PRAG1: variants seen among roughly 807,000 people sequenced by gnomAD.
PRAG1 encodes the protein PEAK1 related, kinase-activating pseudokinase 1.
In PRAG1, 110 loss-of-function variants were observed where a neutral mutation model predicts 95.6. The observed-to-expected ratio is 1.15, with a 90% CI of 0.99 to 1.35. PRAG1 has a LOEUF of 1.35. Among genes scored for constraint, PRAG1 ranks in the 40% most tolerant of loss-of-function variants. The pLI is 0.00. For missense variants in PRAG1, 2,554 were observed against 1,864.7 expected (o/e 1.37, Z -6.81); for synonymous variants, 1,052 against 819.4 (o/e 1.28, Z -4.85).
At position 8,376,602 on chromosome 8, in the gene PRAG1, C is replaced by T. The variant is rs756413096; in HGVS notation, c.1807G>A (p.Gly603Ser). ...CTGGATGGGTCACTGATAGCGACAC[C>T]GTTGGTCCGGCAGGAAGGAGCGGGG... ...ADPAPSCRTN[G>S]VAISDPSRCP... Residue 603 changes from glycine (G) to serine (S), a missense_variant, in exon 3 of 6, where the codon GGT (glycine) becomes AGT (serine). By Grantham distance (56) the Gly-to-Ser change is moderately conservative. Coordinates refer to ENST00000615670, the MANE Select transcript of PRAG1 (RefSeq NM_001080826.3). 4.4e-6 allele frequency: 7 copies of T among 1,603,538 alleles called. No homozygotes were observed. Among genetic ancestry groups the T allele is most frequent in the Non-Finnish European group, 5.1e-6 (6 of 1,173,950 alleles).
In PRAG1 at chr8:8,376,773, G is replaced by C; in HGVS notation, c.1636C>G (p.Pro546Ala). 1 of 1,610,616 alleles carries C rather than the reference G, an allele frequency of 6.2e-7. No individual in the cohort carries two copies. Among genetic ancestry groups the C allele is most frequent in the Admixed American group, 1.7e-5 (1 of 60,016 alleles). Residue 546 changes from proline to alanine, a missense_variant, in exon 3 of 6, where the codon CCC becomes GCC. Physicochemically the swap from Pro to Ala is conservative, Grantham distance 27 (BLOSUM62 -1). Coordinates refer to ENST00000615670, the MANE Select transcript of PRAG1 (RefSeq NM_001080826.3). ...ACAGGGCTACTCTTGGACAACTTGG[G>C]GGGAATGGCGGGCCTCTCCTTGGGC... ...SKPKERPAIP[P>A]KLSKSSPVGS...
At chr8:8,340,592 C>T (rs574758577) in intron 3 of PRAG1, among the ~76,000 whole-genome samples, 169 of 152,346 alleles carry the variant, frequency 1.1e-3, no homozygotes, top group African/African-American at 3.9e-3. Context: ...ATATACAGTA[C>T]AGTACTGATT....
chr8:8,318,534 C>G lies in PRAG1; in HGVS notation c.3841G>C (p.Asp1281His). 1.9e-6 allele frequency: 3 copies of G among 1,613,330 alleles called. No individual in the cohort carries two copies. Among genetic ancestry groups the G allele is most frequent in the Non-Finnish European group, 2.5e-6 (3 of 1,179,900 alleles). The change falls in exon 6 of 6, where the codon GAC (aspartate) becomes CAC (histidine). Residue 1281 changes from aspartate (D) to histidine (H), a missense_variant. Physicochemically the swap from Asp to His is moderately conservative, Grantham distance 81 (BLOSUM62 -1). Transcript: ENST00000615670. This position sits in a 1 kb window ranked among gnomAD's most constrained non-coding sequence, Gnocchi z 4.2. ...FEVRAQLRER[D>H]YRQEDLPPLP... ...GGCGGCAGGTCCTCCTGCCGGTAGT[C>G]TCTCTCCCGCAGCTGGGCGCGCACC...
At chr8:8,335,691 T>C (rs1451330022) in intron 4 of PRAG1, among the ~76,000 whole-genome samples, 1 of 152,212 alleles carries the variant, frequency 6.6e-6, no homozygotes, top group East Asian at 1.9e-4. Context: ...AATGTTTTTT[T>C]CCTTTGGAGC....
At chr8:8,325,620 C>CA (rs1196392496) in intron 5 of PRAG1, among the ~76,000 whole-genome samples, 5 of 152,136 alleles carry the variant, frequency 3.3e-5, no homozygotes, top group Admixed American at 6.5e-5. Flanking sequence ...TTGTGAAAAA[C>CA]AAAACTGTGG....
At chr8:8,346,742 G>A (rs1459164068) in intron 3 of PRAG1, among the ~76,000 whole-genome samples, 2 of 152,150 alleles carry the variant, frequency 1.3e-5, no homozygotes, top group East Asian at 1.9e-4. Context: ...CACTTTCCAT[G>A]GCTGTTAAAA....
At chr8:8,326,445 C>T (rs900784590) in intron 5 of PRAG1, among the ~76,000 whole-genome samples, 3 of 152,032 alleles carry the variant, frequency 2.0e-5, no homozygotes, top group African/African-American at 7.2e-5. Flanking sequence ...TCAGGGTCTC[C>T]CTCCTGACTC....
chr8:8,367,254 T>G (rs1044045242), intron 3 of PRAG1, among the ~76,000 whole-genome samples: 7 of 149,634 alleles, frequency 4.7e-5, no homozygotes, highest in Non-Finnish European at 7.4e-5. Context: ...AGGTCAGGAG[T>G]TCAAGACCAG....
At chr8:8,345,382 A>G (rs1799306529) in intron 3 of PRAG1, among the ~76,000 whole-genome samples, 1 of 150,888 alleles carries the variant, frequency 6.6e-6, no homozygotes, top group East Asian at 1.9e-4. Context: ...AAAAAAAAAA[A>G]GAAAGAAAGA....
intron 2 of PRAG1, among the ~76,000 whole-genome samples, chr8:8,380,752 C>T (rs1800605445): frequency 6.8e-6 from 1 of 147,732 alleles, no homozygotes; most frequent in Non-Finnish European, 1.5e-5. Flanking sequence ...ACTCAGGAGG[C>T]TGAGGCAGGA....
At chr8:8,324,425 C>A (rs552763498) in intron 5 of PRAG1, among the ~76,000 whole-genome samples, 23 of 152,320 alleles carry the variant, frequency 1.5e-4, no homozygotes, top group African/African-American at 5.1e-4. Context: ...TCCTCAAAGG[C>A]CAGCAACGGA....
intron 3 of PRAG1, among the ~76,000 whole-genome samples, chr8:8,373,084 C>T (rs1242583535): frequency 6.6e-6 from 1 of 152,194 alleles, no homozygotes; most frequent in East Asian, 1.9e-4. Flanking sequence ...AGACCTTTCA[C>T]GTTCTTCCAT....
intron 4 of PRAG1, among the ~76,000 whole-genome samples, 188 bp from the exon 5 acceptor site, chr8:8,328,649 G>A (rs1196180805): frequency 1.3e-5 from 2 of 152,200 alleles, no homozygotes; most frequent in African/African-American, 4.8e-5. Flanking sequence ...AAAAGGTATA[G>A]ATTGACAACT....
At chr8:8,340,197 T>A (rs1197645637) in intron 3 of PRAG1, among the ~76,000 whole-genome samples, 1 of 152,240 alleles carries the variant, frequency 6.6e-6, no homozygotes. Context: ...CATGCTTAGA[T>A]AGAAACAAAT....
intron 3 of PRAG1, among the ~76,000 whole-genome samples, chr8:8,363,025 A>T (rs1021562038): frequency 6.6e-6 from 1 of 151,146 alleles, no homozygotes; most frequent in African/African-American, 2.4e-5. Context: ...CAAAACTAAT[A>T]TTGTAGTTAA....
intron 4 of PRAG1, among the ~76,000 whole-genome samples, chr8:8,338,421 G>C (rs1265376039): frequency 6.6e-6 from 1 of 152,214 alleles, no homozygotes; most frequent in East Asian, 1.9e-4. Context: ...CAGCACAGGG[G>C]CTCGTGGTCG....
rs200502737 is a variant in PRAG1 at position 8,339,484 on chromosome 8, C to T, written c.2314G>A (p.Asp772Asn). The T allele has an allele frequency of 8.9e-5, 143 of 1,613,740 alleles. No homozygotes were observed. Among genetic ancestry groups the T allele is most frequent in the Admixed American group, 2.2e-4 (13 of 59,998 alleles). ...TCAATGTCAAGTTTGTTACCTCCATCGCTGCAGGTCCTAGAGTCTGAGGCC... is the reference window on the plus strand; with the variant it reads ...TCAATGTCAAGTTTGTTACCTCCATTGCTGCAGGTCCTAGAGTCTGAGGCC... ...SLASDSRTCS[D>N]GGPSSELAHS... is the part of the protein sequence containing the mutation. Residue 772 changes from aspartate (D) to asparagine (N), a missense_variant, in exon 4 of 6, where the codon GAT becomes AAT. Coordinates refer to ENST00000615670, the MANE Select transcript of PRAG1 (RefSeq NM_001080826.3).
intron 3 of PRAG1, among the ~76,000 whole-genome samples, chr8:8,349,707 C>T (rs897062928): frequency 6.6e-6 from 1 of 152,084 alleles, no homozygotes; most frequent in South Asian, 2.1e-4. Flanking sequence ...GTTTTCCACC[C>T]GCTGATTTAT....
In PRAG1 at chr8:8,359,968, T is replaced by A. The variant is rs1799795772; in HGVS notation, c.2162+16279A>T. Among the ~76,000 whole-genome samples, 3 of 152,198 alleles carry A rather than the reference T, an allele frequency of 2.0e-5. No homozygotes were observed. In the East Asian group the frequency reaches 5.8e-4, roughly 29 times the overall value. ...TATTTTCTAAAATTTTTGCCTTAAA[T>A]CCTTCTCCTTTGACCCTGGAAACTG... On this transcript the variant is annotated intron_variant, in intron 3 of 5. Coordinates refer to ENST00000615670, the MANE Select transcript of PRAG1 (RefSeq NM_001080826.3).
Sources: allele counts gnomAD v4.1 joint callset (sites outside exome capture counted in the v4.1 genomes callset), GRCh38; gene constraint gnomAD v4.1.1; non-coding constraint Gnocchi (gnomAD v3.1); transcripts MANE v1.5; gene names NCBI Gene and HGNC (gene_info 2026-07-23, HGNC 2026-07-21).